The following SEZ6L variants were observed in gnomAD, a reference collection of about 807,000 sequenced individuals.
SEZ6L encodes the protein seizure 6-like protein.
Under a neutral mutation model 106.2 loss-of-function variants are expected in SEZ6L, and 37 were observed. The observed-to-expected ratio is 0.35, with a 90% confidence interval of 0.27 to 0.46. The LOEUF (loss-of-function observed/expected upper bound fraction) is 0.46, where lower values mean the gene tolerates loss of function less well. Ranked by LOEUF, SEZ6L falls within the 20% of genes least tolerant of loss-of-function variation. The pLI is 1.00. For missense variants in SEZ6L, 1,172 were observed against 1,332.8 expected (o/e 0.88, Z 1.88); for synonymous variants, 541 against 570.4 (o/e 0.95, Z 0.73).
intron 9 of SEZ6L, among the ~76,000 whole-genome samples, chr22:26,322,950 C>A (rs1301403133): frequency 1.3e-5 from 2 of 152,212 alleles, no homozygotes; most frequent in Non-Finnish European, 2.9e-5. Context: ...CACCCCTTCC[C>A]CAACTCTCAA....
intron 1 of SEZ6L, chr22:26,253,830 T>A (rs985867064): frequency 2.6e-5 from 4 of 152,194 alleles, no homozygotes; most frequent in Non-Finnish European, 4.4e-5. Context: ...GAAAAAGTCA[T>A]CTTAAAAGGC....
chr22:26,241,517 T>A (rs1487439745), intron 1 of SEZ6L: 3 of 152,298 alleles, frequency 2.0e-5, no homozygotes, highest in Non-Finnish European at 4.4e-5. Flanking sequence ...AGCCCCAGCA[T>A]ATTAAACAGC....
intron 1 of SEZ6L, among the ~76,000 whole-genome samples, chr22:26,221,639 A>G (rs1474104050): frequency 6.6e-6 from 1 of 152,116 alleles, no homozygotes; most frequent in African/African-American, 2.4e-5. Context: ...CTAACCTGTG[A>G]TTGTCTCATC....
chr22:26,277,426 T>A (rs2080586296), intron 1 of SEZ6L, among the ~76,000 whole-genome samples: 1 of 152,194 alleles, frequency 6.6e-6, no homozygotes, highest in Non-Finnish European at 1.5e-5. Flanking sequence ...CCCTGCTCCA[T>A]CTGTACGACC....
chr22:26,287,057 CTTTT>C (rs71192909), intron 1 of SEZ6L, among the ~76,000 whole-genome samples: 1 of 141,498 alleles, frequency 7.1e-6, no homozygotes. Context: ...CGAGCTTGTG[CTTTT>C]TTTTTTTTTT....
intron 1 of SEZ6L, among the ~76,000 whole-genome samples, chr22:26,215,574 C>G (rs1322980764): frequency 1.3e-5 from 2 of 152,128 alleles, no homozygotes; most frequent in African/African-American, 2.4e-5. Context: ...AGAAAAGGCT[C>G]AATCCATATC....
chr22:26,270,463 G>GGTGTGTGTGTGT (rs60049781), intron 1 of SEZ6L, among the ~76,000 whole-genome samples: 134 of 146,360 alleles, frequency 9.2e-4, no homozygotes, highest in African/African-American at 3.2e-3. Flanking sequence ...AATTGTGAGG[G>GGTGTGTGTGTGT]GTGTGTGTGT....
intron 1 of SEZ6L, among the ~76,000 whole-genome samples, chr22:26,230,848 G>A (rs556306379): frequency 6.6e-6 from 1 of 152,356 alleles, no homozygotes; most frequent in East Asian, 1.9e-4. Context: ...ACCAAAAGGA[G>A]GCCAGAGCAG....
At chr22:26,324,862 C>T (rs916927969) in intron 9 of SEZ6L, among the ~76,000 whole-genome samples, 1 of 152,222 alleles carries the variant, frequency 6.6e-6, no homozygotes, top group Non-Finnish European at 1.5e-5. Context: ...GTATAACAAA[C>T]CACCCCAAAT....
At position 26,313,825 on chromosome 22, in the gene SEZ6L, G is replaced by A. The variant is rs1346838091; in HGVS notation, c.1938G>A (p.Glu646=). The change falls in exon 9 of 17, where the codon GAG becomes GAA. Residue 646 remains glutamate (E), a synonymous_variant. Transcript: ENST00000248933. ...TGGTATTGTCCCCAAACTGGCCCGA[G>A]CCCTACGTGGAAGGTGAAGATTGTA... ...AGVVLSPNWP[E]PYVEGEDCIW... 2 of 1,613,366 alleles carry A rather than the reference G, an allele frequency of 1.2e-6. No homozygotes were observed. The highest frequency in any genetic ancestry group is 2.2e-5 in the East Asian group (1 of 44,890).
At position 26,235,965 on chromosome 22, in the gene SEZ6L, G is replaced by A. The variant is rs191895887; in HGVS notation, c.95-56441G>A. ...CATGAGTCACTGGGCTTGCGGCCTTGGAAGATGCTCTCATAACATCAGAGG... is the reference window on the plus strand; with the variant it reads ...CATGAGTCACTGGGCTTGCGGCCTTAGAAGATGCTCTCATAACATCAGAGG... On this transcript the variant is annotated intron_variant, in intron 1 of 16. Coordinates refer to ENST00000248933, the MANE Select transcript of SEZ6L (RefSeq NM_021115.5). Among the ~76,000 whole-genome samples the A allele has an allele frequency of 6.4e-4, 98 of 152,352 alleles. 1 individual carries two copies. Among genetic ancestry groups the A allele is most frequent in the Middle Eastern group, 6.8e-3 (2 of 294 alleles).
rs558249789 is a variant in SEZ6L, at chr22:26,303,913, A to G, written c.1349-2066A>G. On this transcript the variant is annotated intron_variant, in intron 5 of 16. Coordinates refer to ENST00000248933, the MANE Select transcript of SEZ6L (RefSeq NM_021115.5). ...CAAGCTCCTTTGATCCTCATAAAAGATAGAAATGGCTCCCAAGACTTGAAA... is the reference window on the plus strand; with the variant it reads ...CAAGCTCCTTTGATCCTCATAAAAGGTAGAAATGGCTCCCAAGACTTGAAA... Among the ~76,000 whole-genome samples the G allele has an allele frequency of 3.9e-5, 6 of 152,292 alleles. 1 individual carries two copies. The highest frequency in any genetic ancestry group is 3.4e-3 in the Middle Eastern group (1 of 294).
At chr22:26,347,640 A>G in intron 10 of SEZ6L, 79 bp from the exon 11 acceptor site, 9 of 1,228,058 alleles carry the variant, frequency 7.3e-6, no homozygotes, top group Non-Finnish European at 1.0e-5. Flanking sequence ...CTCTTCGCTC[A>G]TCCCTCTAGC....
At chr22:26,269,489 G>A (rs968513552) in intron 1 of SEZ6L, among the ~76,000 whole-genome samples, 3 of 147,950 alleles carry the variant, frequency 2.0e-5, no homozygotes, top group Admixed American at 6.6e-5. Flanking sequence ...CCCTAACCTC[G>A]TTGTTTGCTG....
chr22:26,350,185 T>G (rs1240436455), intron 11 of SEZ6L, among the ~76,000 whole-genome samples: 3 of 144,094 alleles, frequency 2.1e-5, no homozygotes, highest in Non-Finnish European at 4.5e-5. Context: ...TATATATGTG[T>G]GTGTGTGTGT....
At position 26,327,564 on chromosome 22, in the gene SEZ6L, CCACA is replaced by C. The variant is rs143127812; in HGVS notation, c.2016-12864_2016-12861del. 2.9e-3 allele frequency among the ~76,000 whole-genome samples: 433 copies of C among 148,222 alleles called. 1 individual carries two copies. The highest frequency in any genetic ancestry group is 4.5e-3 in the Non-Finnish European group (301 of 66,694). On this transcript the variant is annotated intron_variant, in intron 9 of 16. Coordinates refer to ENST00000248933, the MANE Select transcript of SEZ6L (RefSeq NM_021115.5). ...ACACACCACACACCATACACACACC[CCACA>C]CACACACCACATGACACGACACATG... is the stretch of plus-strand genomic sequence containing the variant.
chr22:26,340,520 C>A lies in SEZ6L; in HGVS notation c.2100C>A (p.Asn700Lys). Residue 700 changes from asparagine to lysine, a missense_variant, in exon 10 of 17, where the codon AAC becomes AAA. Coordinates refer to ENST00000248933, the MANE Select transcript of SEZ6L (RefSeq NM_021115.5). ...ACATCTTGGGGCAGTACCTTGGGAACAGTGGCCCCCAGAAACTGTACTCCT... is the reference window on the plus strand; with the variant it reads ...ACATCTTGGGGCAGTACCTTGGGAAAAGTGGCCCCCAGAAACTGTACTCCT... ...MPHILGQYLG[N>K]SGPQKLYSST... 6.2e-7 allele frequency: 1 copy of A among 1,614,164 alleles called. No individual in the cohort carries two copies. Among genetic ancestry groups the A allele is most frequent in the Non-Finnish European group, 8.5e-7 (1 of 1,180,024 alleles).
At chr22:26,174,126 C>A (rs1433075868) in intron 1 of SEZ6L, among the ~76,000 whole-genome samples, 1 of 152,116 alleles carries the variant, frequency 6.6e-6, no homozygotes, top group Non-Finnish European at 1.5e-5. Flanking sequence ...ACCATCCGTG[C>A]CATGTGGTAA....
intron 12 of SEZ6L, chr22:26,364,719 G>T (rs1390594998): frequency 6.6e-6 from 1 of 152,292 alleles, no homozygotes; most frequent in African/African-American, 2.4e-5. Flanking sequence ...CATCTCCAAT[G>T]AGGGAAACAG....
Sources: gnomAD v4.1 joint callset for allele counts (sites outside exome capture counted in the v4.1 genomes callset) on GRCh38, gnomAD v4.1.1 for gene constraint, MANE v1.5 for transcripts, NCBI Gene and HGNC (gene_info 2026-07-23, HGNC 2026-07-21) for gene names.